The following GCA variants were observed in gnomAD, a reference collection of about 807,000 sequenced individuals.
GCA encodes grancalcin.
In GCA, 30 loss-of-function variants were observed where a neutral mutation model predicts 32.6. The observed-to-expected ratio is 0.92, with a 90% confidence interval of 0.69 to 1.25. The LOEUF is 1.25. GCA is among the 50% of genes most tolerant of loss of function. The pLI is 0.00. For synonymous variants in GCA, 102 were observed against 84.6 expected, an observed-to-expected ratio of 1.21 and a Z score of -1.13; for missense variants, 291 against 266.8, an observed-to-expected ratio of 1.09 and a Z score of -0.63.
chr2:162,323,938 C>G (rs1683778907), intron 1 of GCA, among the ~76,000 whole-genome samples: 1 of 151,892 alleles, frequency 6.6e-6, no homozygotes, highest in Non-Finnish European at 1.5e-5. Flanking sequence ...TTTTCCAATT[C>G]TGTGAAGAAA....
At chr2:162,354,560 T>G (rs1685165570) in intron 3 of GCA, among the ~76,000 whole-genome samples, 1 of 152,186 alleles carries the variant, frequency 6.6e-6, no homozygotes, top group Non-Finnish European at 1.5e-5. Context: ...AGGCTTAGAA[T>G]GCTCCTTAGG....
rs1307589707 is a variant in GCA, at chr2:162,331,457, C to A, written c.-31+12232C>A. Among the ~76,000 whole-genome samples the A allele has an allele frequency of 2.0e-5, 3 of 152,142 alleles. No homozygotes were observed. In the East Asian group the frequency reaches 5.8e-4, roughly 29 times the overall value. ...CAATATTTATGCTGAGATATCATCC[C>A]CAATGCAACAGTGTTAAGAGGTGGG... On this transcript the variant is annotated intron_variant, in intron 1 of 4. Coordinates refer to the GCA transcript ENST00000429691.
chr2:162,330,299 T>C (rs574154460), intron 1 of GCA, among the ~76,000 whole-genome samples: 1 of 152,356 alleles, frequency 6.6e-6, no homozygotes, highest in East Asian at 1.9e-4. Context: ...CAACAGTATG[T>C]AAGCATTCCT....
Position 162,361,723 on chromosome 2 carries a change from T to C in GCA, c.*1480T>C. ...AGGTAATACACATAATTTTGTTCTCTGGCTTTTTTATGAACATATATTTGA... is the reference window on the plus strand; with the variant it reads ...AGGTAATACACATAATTTTGTTCTCCGGCTTTTTTATGAACATATATTTGA... On this transcript the variant is annotated 3_prime_UTR_variant, in exon 8 of 8. Transcript: ENST00000437150. 1 of 983,186 alleles carries C rather than the reference T, an allele frequency of 1.0e-6. No individual in the cohort carries two copies. The highest frequency in any genetic ancestry group is 1.7e-5 in the African/African-American group (1 of 57,278). The allele number at this position is 983,186 out of a possible 1,614,324, so 60.9% of individuals were successfully genotyped here. A position where few individuals can be genotyped will look rare whatever the true frequency, so the allele number is the denominator to read the frequency against.
Position 162,352,322 on chromosome 2 carries a change from A to G in GCA, c.193-16A>G. On this transcript the variant is annotated splice_polypyrimidine_tract_variant and intron_variant, in intron 2 of 7. Transcript: ENST00000437150. ...ACAACTGCACATTAAATTAGGTCAT[A>G]ATTATTTTTAAACAGGATGGTGAAG... 1 of 1,483,282 alleles carries G rather than the reference A, an allele frequency of 6.7e-7. No individual in the cohort carries two copies. The highest frequency in any genetic ancestry group is 9.4e-7 in the Non-Finnish European group (1 of 1,061,862). 91.9% of individuals were successfully genotyped at this position (1,483,282 alleles called of 1,614,324 possible).
At chr2:162,319,963 C>T (rs200708997) in intron 1 of GCA, among the ~76,000 whole-genome samples, 1 of 152,174 alleles carries the variant, frequency 6.6e-6, no homozygotes, top group Non-Finnish European at 1.5e-5. Flanking sequence ...TTTATGGTAA[C>T]ATGTCTTATT....
At chr2:162,373,979 T>C (rs1021248768), downstream of GCA, among the ~76,000 whole-genome samples, 1 of 152,234 alleles carries the variant, frequency 6.6e-6, no homozygotes, top group African/African-American at 2.4e-5. Context: ...TTTTAATCAG[T>C]AATTGTCTTT....
Position 162,362,093 on chromosome 2 carries a change from A to G in GCA, c.*1850A>G. The G allele has an allele frequency of 1.0e-6, 1 of 984,214 alleles. No individual in the cohort carries two copies. The highest frequency in any genetic ancestry group is 1.1e-4 in the East Asian group (1 of 8,790). 61.0% of individuals were successfully genotyped at this position (984,214 alleles called of 1,614,324 possible). ...AAAAATGTTCTTATGACTTTTGGTC[A>G]TAGAAGGTCTATGAAGGAGCTTCCA... On this transcript the variant is annotated 3_prime_UTR_variant, in exon 8 of 8. Transcript: ENST00000437150.
rs1684898062 is a variant in GCA at position 162,349,788 on chromosome 2, A to C, written c.192+2046A>C. 3.3e-5 allele frequency among the ~76,000 whole-genome samples: 5 copies of C among 152,198 alleles called. 1 individual carries two copies. The South Asian group carries it at 1.0e-3, about 32-fold the overall frequency. ...AGAAACTGGCAGAATGGATGTTCTA[A>C]TACCATACTAATGGGCAGAAACAGA... On this transcript the variant is annotated intron_variant, in intron 2 of 7. Coordinates refer to ENST00000437150, the MANE Select transcript of GCA (RefSeq NM_012198.5).
At chr2:162,342,935 C>A (rs1684499037), upstream of GCA, among the ~76,000 whole-genome samples, 1 of 152,208 alleles carries the variant, frequency 6.6e-6, no homozygotes, top group South Asian at 2.1e-4. Context: ...AATAATTTAA[C>A]CTTAGTGGCT....
At chr2:162,332,322 A>ATAT (rs1236272662) in intron 1 of GCA, among the ~76,000 whole-genome samples, 2 of 136,944 alleles carry the variant, frequency 1.5e-5, no homozygotes, top group African/African-American at 2.7e-5. Context: ...AAAAAAAAAA[A>ATAT]ATATATATAT....
intron 1 of GCA, among the ~76,000 whole-genome samples, chr2:162,324,084 G>A (rs188732207): frequency 4.7e-4 from 71 of 152,204 alleles, no homozygotes; most frequent in African/African-American, 1.1e-3. Context: ...GTGGGGCTCC[G>A]ACCCACGGCA....
intron 3 of GCA, among the ~76,000 whole-genome samples, chr2:162,353,953 C>G (rs1182011480): frequency 6.6e-6 from 1 of 151,890 alleles, no homozygotes; most frequent in Non-Finnish European, 1.5e-5. Context: ...CCTAAACCTT[C>G]TATTGAGTCT....
exon 5 of GCA, chr2:162,371,458 C>CA: frequency 7.9e-7 from 1 of 1,268,470 alleles, no homozygotes; most frequent in African/African-American, 1.5e-5. Context: ...AGTTTTATCC[C>CA]TTGGTTTCTT....
At chr2:162,327,316 T>A (rs1477270343) in intron 1 of GCA, among the ~76,000 whole-genome samples, 2 of 151,950 alleles carry the variant, frequency 1.3e-5, no homozygotes, top group African/African-American at 4.8e-5. Context: ...CCAGCAGGGG[T>A]CGCTCCTCTG....
chr2:162,363,717 A>G (rs1479609292), downstream of GCA, among the ~76,000 whole-genome samples: 4 of 151,338 alleles, frequency 2.6e-5, no homozygotes, highest in Non-Finnish European at 5.9e-5. Flanking sequence ...GCTTTTAATC[A>G]TTTCCTGCCA....
chr2:162,359,355 A>G lies in GCA; in HGVS notation c.569-139A>G, dbSNP rs1341978983. 19 of 590,648 alleles carry G rather than the reference A, an allele frequency of 3.2e-5. No homozygotes were observed. The South Asian group carries it at 3.9e-4, about 12-fold the overall frequency. The allele number at this position is 590,648 out of a possible 1,614,324, so 36.6% of individuals were successfully genotyped here. On this transcript the variant is annotated intron_variant, in intron 6 of 7. Coordinates refer to ENST00000437150, the MANE Select transcript of GCA (RefSeq NM_012198.5). ...TATGTTATTTTTGGAAGTTTTTCTC[A>G]TATCTCTGTTGCCAGGGCTATTCAA... is the stretch of plus-strand genomic sequence containing the variant.
intron 1 of GCA, among the ~76,000 whole-genome samples, chr2:162,330,297 T>A (rs1307152001): frequency 6.6e-6 from 1 of 152,234 alleles, no homozygotes; most frequent in Non-Finnish European, 1.5e-5. Flanking sequence ...ACCAACAGTA[T>A]GTAAGCATTC....
intron 1 of GCA, among the ~76,000 whole-genome samples, chr2:162,327,408 CA>C (rs1481614305): frequency 1.3e-5 from 2 of 151,626 alleles, no homozygotes; most frequent in East Asian, 3.9e-4. Flanking sequence ...GTAAAAGGGG[CA>C]AAAAAGGGGG....
Sources: gnomAD v4.1 joint callset for allele counts (sites outside exome capture counted in the v4.1 genomes callset) on GRCh38, gnomAD v4.1.1 for gene constraint, MANE v1.5 for transcripts, NCBI Gene and HGNC (gene_info 2026-07-23, HGNC 2026-07-21) for gene names.